The following PRRC2B variants were observed in gnomAD, a reference collection of about 807,000 sequenced individuals.
PRRC2B encodes proline rich coiled-coil 2B.
Under a neutral mutation model 242.3 loss-of-function variants are expected in PRRC2B, and 68 were observed. The ratio of observed to expected loss-of-function variants is 0.28; its 90% CI spans 0.23 to 0.34. The LOEUF is 0.34. PRRC2B is among the 10% of genes least tolerant of loss of function. The pLI is 1.00. For synonymous variants in PRRC2B, 1,228 were observed against 1,173.6 expected (o/e 1.05, Z -0.95); for missense variants, 2,835 against 2,954.8 (o/e 0.96, Z 0.94).
At position 131,470,181 on chromosome 9, in the gene PRRC2B, A is replaced by G. The variant is rs150578739; in HGVS notation, c.1912-607A>G. On this transcript the variant is annotated intron_variant, in intron 13 of 31. Transcript: ENST00000683519. ...TTGCGAGGCAAAGCTAGAGAGGCAG[A>G]CTGGGCAAAGTCACACGGGACCCAA... Among the ~76,000 whole-genome samples, 222 of 152,320 alleles carry G rather than the reference A, an allele frequency of 1.5e-3. 2 individuals carry two copies. The highest frequency in any genetic ancestry group is 3.7e-3 in the South Asian group (18 of 4,832).
At chr9:131,416,431 ATTT>A (rs754965864) in intron 1 of PRRC2B, among the ~76,000 whole-genome samples, 1 of 152,052 alleles carries the variant, frequency 6.6e-6, no homozygotes, top group African/African-American at 2.4e-5. Flanking sequence ...TAATTGGATT[ATTT>A]TACTTTAGAA....
Position 131,491,451 on chromosome 9 carries a change from C to A in PRRC2B, c.6252C>A (p.Gly2084=). ...PQLTMPLPRY[G]SGQQPLILPQ... Reference sequence around the variant, plus strand: ...TGACCATGCCACTGCCTCGGTACGGCTCCGGGCAGCAGCCACTGATCCTGC... The same window carrying A: ...TGACCATGCCACTGCCTCGGTACGGATCCGGGCAGCAGCCACTGATCCTGC... The change falls in exon 29 of 32, where the codon GGC becomes GGA. Residue 2084 remains glycine (G), a synonymous_variant. Transcript: ENST00000683519. 6.2e-7 allele frequency: 1 copy of A among 1,609,964 alleles called. No homozygotes were observed. The highest frequency in any genetic ancestry group is 1.7e-5 in the Admixed American group (1 of 59,790).
intron 28 of PRRC2B, among the ~76,000 whole-genome samples, 188 bp downstream of exon 28, chr9:131,488,284 G>A (rs1298816534): frequency 7.0e-6 from 1 of 142,760 alleles, no homozygotes. Context: ...TTTTTTTTTG[G>A]ACAGAGTCTC....
chr9:131,450,874 C>T (rs1299084796), intron 9 of PRRC2B, among the ~76,000 whole-genome samples: 1 of 152,168 alleles, frequency 6.6e-6, no homozygotes, highest in East Asian at 1.9e-4. Flanking sequence ...AGGTATGAGC[C>T]ACCATGTCCA....
At chr9:131,430,538 TAGATATCTATAG>T (rs1564281544) in intron 2 of PRRC2B, among the ~76,000 whole-genome samples, 2,053 of 143,266 alleles carry the variant, frequency 0.014, 20 homozygotes, top group Middle Eastern at 0.029. Context: ...TATCTATCTA[TAGATATCTATAG>T]GTGTGTGTGT....
rs7018596 is a variant in PRRC2B at position 131,438,409 on chromosome 9, G to A, written c.397-580G>A. The stretch of plus-strand genomic sequence containing the variant: ...CATTCAGTCAGGCTGGGTGTGCTTC[G>A]CATAATGCTGACCCTGGCGAGTTTT... On this transcript the variant is annotated intron_variant, in intron 4 of 31. Transcript: ENST00000683519. 9.2e-3 allele frequency among the ~76,000 whole-genome samples: 1,402 copies of A among 152,188 alleles called. 26 individuals carry two copies. Among genetic ancestry groups the A allele is most frequent in the African/African-American group, 0.033 (1,357 of 41,520 alleles).
At chr9:131,393,370 CCCT>C (rs1306844138), upstream of PRRC2B, among the ~76,000 whole-genome samples, 1 of 152,002 alleles carries the variant, frequency 6.6e-6, no homozygotes, top group Non-Finnish European at 1.5e-5. Context: ...AAAGTAAGAA[CCCT>C]CCTCCGCTCT....
At chr9:131,389,493 C>T (rs62582183), upstream of PRRC2B, among the ~76,000 whole-genome samples, 3 of 150,654 alleles carry the variant, frequency 2.0e-5, no homozygotes, top group African/African-American at 7.2e-5. Context: ...TCTATTTTCT[C>T]GACTGTTAAG....
intron 1 of PRRC2B, among the ~76,000 whole-genome samples, chr9:131,419,038 G>A (rs745736870): frequency 6.6e-6 from 1 of 152,080 alleles, no homozygotes; most frequent in Non-Finnish European, 1.5e-5. Context: ...TGTATCAAGC[G>A]TATATTTCTT....
At chr9:131,403,474 C>T (rs1256929547) in intron 1 of PRRC2B, among the ~76,000 whole-genome samples, 1 of 151,866 alleles carries the variant, frequency 6.6e-6, no homozygotes, top group African/African-American at 2.4e-5. Flanking sequence ...GCCTCAGCCT[C>T]TTGAGTAGCT....
intron 2 of PRRC2B, 34 bp from the exon 3 acceptor site, chr9:131,432,583 G>A (rs547741130): frequency 5.7e-6 from 9 of 1,588,170 alleles, no homozygotes; most frequent in Non-Finnish European, 6.9e-6. Flanking sequence ...TGACCTTTTT[G>A]CATGGTGTCT....
In PRRC2B at chr9:131,488,076, T is replaced by C. The variant is rs1588282312; in HGVS notation, c.6205T>C (p.Leu2069=). The change falls in exon 28 of 32, where the codon TTG becomes CTG. Residue 2069 remains leucine (L), a synonymous_variant. Coordinates refer to ENST00000683519, the MANE Select transcript of PRRC2B (RefSeq NM_013318.4). ...QAAGLGASQM[L]DSQLPQLTMP... is the part of the protein sequence containing the mutation. ...TGCTGGCCTGGGTGCCTCCCAGATG[T>C]TGGACTCCCAGCTCCCACAGGTCAG... 3 of 1,613,072 alleles carry C rather than the reference T, an allele frequency of 1.9e-6. No individual in the cohort carries two copies. Among genetic ancestry groups the C allele is most frequent in the Non-Finnish European group, 2.5e-6 (3 of 1,179,330 alleles).
intron 1 of PRRC2B, among the ~76,000 whole-genome samples, chr9:131,422,164 C>T (rs554040209): frequency 8.5e-5 from 13 of 152,216 alleles, no homozygotes; most frequent in Middle Eastern, 3.4e-3. Flanking sequence ...AAGCGATTCT[C>T]CTGCCTCAGC....
In PRRC2B at chr9:131,448,543, C is replaced by CAAAA. The variant is rs754661321; in HGVS notation, c.1120+763_1120+766dup. 3.2e-3 allele frequency among the ~76,000 whole-genome samples: 129 copies of CAAAA among 39,894 alleles called. 39 individuals carry two copies. Among genetic ancestry groups the CAAAA allele is most frequent in the South Asian group, 0.022 (20 of 930 alleles). 26.2% of individuals were successfully genotyped at this position (39,894 alleles called of 152,430 possible). A position where few individuals can be genotyped will look rare whatever the true frequency, so the allele number is the denominator to read the frequency against. ...TGGGCGACAGAGGGAGACACTGTCT[C>CAAAA]AAAAAAAAAAAAAAAAAAAAAAAAA... On this transcript the variant is annotated intron_variant, in intron 9 of 31. Coordinates refer to ENST00000683519, the MANE Select transcript of PRRC2B (RefSeq NM_013318.4).
chr9:131,435,484 G>A (rs1390001114), intron 3 of PRRC2B, among the ~76,000 whole-genome samples: 3 of 151,746 alleles, frequency 2.0e-5, no homozygotes, highest in African/African-American at 7.3e-5. Context: ...GCGTGGTGCT[G>A]CATAACTGTA....
rs371050903 is a variant in PRRC2B at position 131,432,800 on chromosome 9, C to T, written c.293+6C>T. ...GATCAGCAAGACCCAAAGAGGTAAA[C>T]GGAGGAGGCGGGTGGTGAGTGGGAG... On this transcript the variant is annotated splice_donor_region_variant and intron_variant, in intron 3 of 31. Coordinates refer to ENST00000683519, the MANE Select transcript of PRRC2B (RefSeq NM_013318.4). 6.8e-6 allele frequency: 11 copies of T among 1,613,098 alleles called. No individual in the cohort carries two copies. The highest frequency in any genetic ancestry group is 4.0e-5 in the African/African-American group (3 of 74,912).
rs1943679034 is a variant in PRRC2B at position 131,475,873 on chromosome 9, G to A, written c.3744G>A (p.Arg1248=). ...EYGPSDTCGS[R]RPTDRDYVPD... is the part of the protein sequence containing the mutation. ...GCCCTTCCGACACATGCGGATCCCG[G>A]CGACCTACAGACAGAGACTATGTCC... is the stretch of plus-strand genomic sequence containing the variant. Residue 1248 remains arginine (R), a synonymous_variant, in exon 16 of 32, where the codon CGG becomes CGA. Coordinates refer to ENST00000683519, the MANE Select transcript of PRRC2B (RefSeq NM_013318.4). 2 of 1,613,838 alleles carry A rather than the reference G, an allele frequency of 1.2e-6. No homozygotes were observed. Among genetic ancestry groups the A allele is most frequent in the Non-Finnish European group, 1.7e-6 (2 of 1,179,814 alleles).
At chr9:131,444,151 C>A in intron 5 of PRRC2B, 34 bp from the exon 6 acceptor site, 1 of 1,612,452 alleles carries the variant, frequency 6.2e-7, no homozygotes, top group South Asian at 1.1e-5. Context: ...GACTCCATCT[C>A]ACTTCCTCCA....
intron 9 of PRRC2B, among the ~76,000 whole-genome samples, chr9:131,453,438 C>G (rs550965569): frequency 1.3e-5 from 2 of 152,202 alleles, no homozygotes; most frequent in South Asian, 4.1e-4. Context: ...GGATCTTGCT[C>G]TGTTGCCCAT....
Sources: gnomAD v4.1 joint callset for allele counts (sites outside exome capture counted in the v4.1 genomes callset) on GRCh38, gnomAD v4.1.1 for gene constraint, MANE v1.5 for transcripts, NCBI Gene and HGNC (gene_info 2026-07-23, HGNC 2026-07-21) for gene names.